The following STKLD1 variants were observed in gnomAD, a reference collection of about 807,000 sequenced individuals.
The protein encoded by STKLD1 is serine/threonine kinase-like domain-containing protein STKLD1.
Under a neutral mutation model 80.4 loss-of-function variants are expected in STKLD1, and 79 were observed. That is an observed-to-expected ratio of 0.98 (90% CI 0.82 to 1.19). The LOEUF (loss-of-function observed/expected upper bound fraction) is 1.19, where lower values mean the gene tolerates loss of function less well. Among genes scored for constraint, STKLD1 ranks in the 50% most tolerant of loss-of-function variants. The probability of loss-of-function intolerance (pLI) is 0.00; values close to 1 mark genes in which losing one functional copy is unlikely to be tolerated. For missense variants in STKLD1, 841 were observed against 856.0 expected, an observed-to-expected ratio of 0.98 and a Z score of 0.22; for synonymous variants, 393 against 357.6, an observed-to-expected ratio of 1.10 and a Z score of -1.12.
chr9:133,391,209 A>G (rs1338451373), intron 7 of STKLD1, among the ~76,000 whole-genome samples: 11,637 of 136,032 alleles, frequency 0.086, 741 homozygotes, highest in African/African-American at 0.18. Flanking sequence ...CCCCCCGCCC[A>G]GACAGCCGCC....
At chr9:133,397,462 C>T (rs1394771198) in intron 10 of STKLD1, among the ~76,000 whole-genome samples, 168 bp downstream of exon 10, 2 of 152,156 alleles carry the variant, frequency 1.3e-5, no homozygotes, top group Non-Finnish European at 2.9e-5. Context: ...ACACACTGCC[C>T]AGGACACCGC....
At chr9:133,378,377 T>C (rs1838053497) in intron 1 of STKLD1, among the ~76,000 whole-genome samples, 1 of 152,048 alleles carries the variant, frequency 6.6e-6, no homozygotes, top group South Asian at 2.1e-4. Context: ...CCCTGCCCCA[T>C]AGCACTTGGT....
At position 133,394,481 on chromosome 9, in the gene STKLD1, C is replaced by A; in HGVS notation, c.702+72C>A. The stretch of plus-strand genomic sequence containing the variant: ...GCCCAGGCCTGGGGAAAAGGCTTGG[C>A]CTCACCCTGCCTCCCCTCTGCATCC... On this transcript the variant is annotated intron_variant, in intron 8 of 17. Transcript: ENST00000371957. The surrounding 1 kb of genome is among the most constrained non-coding windows in gnomAD (Gnocchi z 4.9). The A allele has an allele frequency of 9.6e-7, 1 of 1,045,190 alleles. No individual in the cohort carries two copies. The highest frequency in any genetic ancestry group is 1.5e-6 in the Non-Finnish European group (1 of 668,330). 64.7% of individuals were successfully genotyped at this position (1,045,190 alleles called of 1,614,324 possible).
chr9:133,405,282 G>T lies in STKLD1; in HGVS notation c.1904G>T (p.Ser635Ile). The change falls in exon 18 of 18, where the codon AGT becomes ATT. Residue 635 changes from serine (S) to isoleucine (I), a missense_variant. Coordinates refer to ENST00000371957, the MANE Select transcript of STKLD1 (RefSeq NM_153710.5). ...ATCCTGCCGGAGCTGGTGTCCAGTA[G>T]TATGAAGGCCCTGCTCCAGGAGATC... is the stretch of plus-strand genomic sequence containing the variant. ...EEILPELVSS[S>I]MKALLQEIKE... The T allele has an allele frequency of 1.9e-6, 3 of 1,612,470 alleles. No homozygotes were observed. The highest frequency in any genetic ancestry group is 1.7e-6 in the Non-Finnish European group (2 of 1,179,614).
In STKLD1 at chr9:133,389,445, T is replaced by C. The variant is rs952828555; in HGVS notation, c.397-81T>C. Reference sequence around the variant, plus strand: ...GCAAGGAGAGGATACACCACCATCCTGCTGGCTGCTCTGAGTGTCACCCCC... The same window carrying C: ...GCAAGGAGAGGATACACCACCATCCCGCTGGCTGCTCTGAGTGTCACCCCC... On this transcript the variant is annotated intron_variant, in intron 5 of 17. Coordinates refer to ENST00000371957, the MANE Select transcript of STKLD1 (RefSeq NM_153710.5). The surrounding 1 kb of genome is among the most constrained non-coding windows in gnomAD (Gnocchi z 6.4). 14 of 1,561,576 alleles carry C rather than the reference T, an allele frequency of 9.0e-6. No individual in the cohort carries two copies. The highest frequency in any genetic ancestry group is 9.5e-6 in the Non-Finnish European group (11 of 1,153,430).
intron 11 of STKLD1, among the ~76,000 whole-genome samples, chr9:133,400,008 C>G (rs1009787234): frequency 1.3e-5 from 2 of 152,214 alleles, no homozygotes; most frequent in Non-Finnish European, 2.9e-5. Context: ...CACCCAGTCC[C>G]CAGCCCACAA....
At position 133,387,941 on chromosome 9, in the gene STKLD1, C is replaced by T. The variant is rs2130281354; in HGVS notation, c.396+393C>T. The T allele has an allele frequency of 6.8e-6, 3 of 439,302 alleles. No homozygotes were observed. In the Admixed American group the frequency reaches 7.3e-5, roughly 11 times the overall value. The allele number at this position is 439,302 out of a possible 1,614,324, so 27.2% of individuals were successfully genotyped here. A position where few individuals can be genotyped will look rare whatever the true frequency, so the allele number is the denominator to read the frequency against. ...GGTGCTGCTGCATGCACCAGCAAAT[C>T]ATGTGTTCATTGCTTGCTGCCACTC... is the stretch of plus-strand genomic sequence containing the variant. On this transcript the variant is annotated intron_variant, in intron 5 of 17. Coordinates refer to ENST00000371957, the MANE Select transcript of STKLD1 (RefSeq NM_153710.5).
At chr9:133,381,998 G>A (rs1290734245) in intron 2 of STKLD1, among the ~76,000 whole-genome samples, 1 of 152,194 alleles carries the variant, frequency 6.6e-6, no homozygotes, top group African/African-American at 2.4e-5. Flanking sequence ...AAAATTCTGG[G>A]TGAGGATCTG....
intron 10 of STKLD1, among the ~76,000 whole-genome samples, chr9:133,397,598 T>C (rs1022789822): frequency 1.3e-5 from 2 of 152,166 alleles, no homozygotes; most frequent in African/African-American, 2.4e-5. Context: ...AATGGCCTAG[T>C]CACTGCCCAC....
intron 11 of STKLD1, among the ~76,000 whole-genome samples, chr9:133,398,742 G>T (rs191982754): frequency 4.6e-5 from 7 of 152,176 alleles, no homozygotes; most frequent in Non-Finnish European, 2.9e-5. Flanking sequence ...TTGCACCACC[G>T]CACTCCAGCC....
intron 7 of STKLD1, among the ~76,000 whole-genome samples, chr9:133,392,433 A>G (rs1361336097): frequency 6.7e-6 from 1 of 149,798 alleles, no homozygotes; most frequent in Non-Finnish European, 1.5e-5. Flanking sequence ...GGTGGGTGGT[A>G]GGATGGATAG....
chr9:133,392,271 G>A (rs1407807238), intron 7 of STKLD1, among the ~76,000 whole-genome samples: 2 of 151,894 alleles, frequency 1.3e-5, no homozygotes, highest in East Asian at 1.9e-4. Flanking sequence ...AGTAGAGACC[G>A]GGTTTCACCA....
intron 13 of STKLD1, 101 bp from the exon 14 acceptor site, chr9:133,402,777 G>GCACCCA (rs1480806849): frequency 8.9e-6 from 12 of 1,354,312 alleles, no homozygotes; most frequent in Non-Finnish European, 1.2e-5. Context: ...CAGGCACCTA[G>GCACCCA]GATTGCAGGT....
At position 133,395,615 on chromosome 9, in the gene STKLD1, C is replaced by T; in HGVS notation, c.718C>T (p.His240Tyr). 4 of 1,612,986 alleles carry T rather than the reference C, an allele frequency of 2.5e-6. No individual in the cohort carries two copies. Among genetic ancestry groups the T allele is most frequent in the Non-Finnish European group, 3.4e-6 (4 of 1,179,950 alleles). The change falls in exon 9 of 18, where the codon CAT (histidine) becomes TAT (tyrosine). Residue 240 changes from histidine (H) to tyrosine (Y), a missense_variant. Transcript: ENST00000371957. ...CTCCGTGCAGGGCACAGAAGCCATG[C>T]ATCTGCGGAAGTCCCTCCGCCAGAG... ...CSFMDGTEAM[H>Y]LRKSLRQSPG...
rs2130288175 is a variant in STKLD1, at chr9:133,391,139, G to C, written c.583+343G>C. Among the ~76,000 whole-genome samples the C allele has an allele frequency of 1.2e-3, 173 of 149,064 alleles. 3 individuals are homozygous for C. Among genetic ancestry groups the C allele is most frequent in the African/African-American group, 4.3e-3 (168 of 39,514 alleles). ...AAATGCCCAGGACGGAGGGAGGTGG[G>C]GGGGGTCAGCCCCCCGCCCGGCCAG... On this transcript the variant is annotated intron_variant, in intron 7 of 17. Coordinates refer to ENST00000371957, the MANE Select transcript of STKLD1 (RefSeq NM_153710.5).
intron 12 of STKLD1, among the ~76,000 whole-genome samples, chr9:133,401,176 C>A (rs1209226786): frequency 7.0e-6 from 1 of 142,074 alleles, no homozygotes; most frequent in Non-Finnish European, 1.5e-5. Flanking sequence ...GAGTTTTGCT[C>A]GTCACCCAGG....
chr9:133,402,829 G>GCC, intron 13 of STKLD1, 49 bp from the exon 14 acceptor site: 1 of 1,570,480 alleles, frequency 6.4e-7, no homozygotes, highest in Non-Finnish European at 8.7e-7. Flanking sequence ...AGGCAGGAAG[G>GCC]CTTCCTGGAG....
intron 7 of STKLD1, among the ~76,000 whole-genome samples, chr9:133,391,933 C>T (rs2130290556): frequency 0.12 from 17,799 of 151,764 alleles, 1,372 homozygotes; most frequent in African/African-American, 0.22. Context: ...CTACAACAAC[C>T]CAGGAGATGA....
At chr9:133,398,637 G>C (rs1838620893) in intron 11 of STKLD1, among the ~76,000 whole-genome samples, 1 of 152,222 alleles carries the variant, frequency 6.6e-6, no homozygotes, top group Admixed American at 6.5e-5. Context: ...AAATTAGCCA[G>C]GTGTGGTGAC....
Sources: gnomAD v4.1 joint callset for allele counts (sites outside exome capture counted in the v4.1 genomes callset) on GRCh38, gnomAD v4.1.1 for gene constraint, Gnocchi (gnomAD v3.1) non-coding constraint, MANE v1.5 for transcripts, NCBI Gene and HGNC (gene_info 2026-07-23, HGNC 2026-07-21) for gene names.